ACE: variants seen among roughly 807,000 people sequenced by gnomAD.
ACE encodes the protein angiotensin I converting enzyme.
Under a neutral mutation model 162.3 loss-of-function variants are expected in ACE, and 122 were observed. The observed-to-expected ratio is 0.75, with a 90% confidence interval of 0.65 to 0.87. The LOEUF (loss-of-function observed/expected upper bound fraction) is 0.87. Ranked by LOEUF, ACE falls within the 40% of genes least tolerant of loss-of-function variation. The pLI is 0.00. For synonymous variants in ACE, 796 were observed against 720.6 expected (o/e 1.10, Z -1.68); for missense variants, 1,799 against 1,735.1 (o/e 1.04, Z -0.65).
chr17:63,477,475 C>G (rs2049636807), intron 1 of ACE, 132 bp downstream of exon 1: 1 of 702,596 alleles, frequency 1.4e-6, no homozygotes, highest in African/African-American at 1.9e-5. Context: ...CTCGCCCCGA[C>G]AGTCAGCCGC....
In ACE at chr17:63,486,599, G is replaced by A. The variant is rs1172339137; in HGVS notation, c.2101G>A (p.Gly701Ser). 29 of 1,614,070 alleles carry A rather than the reference G, an allele frequency of 1.8e-5. No individual in the cohort carries two copies. Among genetic ancestry groups the A allele is most frequent in the Non-Finnish European group, 2.4e-5 (28 of 1,180,038 alleles). ...MQIANHTLKY[G>S]TQARKFDVNQ... is the part of the protein sequence containing the mutation. Reference sequence around the variant, plus strand: ...AATAGCCAACCACACCCTGAAGTACGGCACCCAGGCCAGGAAGTTTGATGT... The same window carrying A: ...AATAGCCAACCACACCCTGAAGTACAGCACCCAGGCCAGGAAGTTTGATGT... Residue 701 changes from glycine (G) to serine (S), a missense_variant, in exon 14 of 25, where the codon GGC (glycine) becomes AGC (serine). Gly to Ser is a moderately conservative substitution (Grantham distance 56). Transcript: ENST00000290866.
chr17:63,482,978 C>CAGAG, intron 8 of ACE, 51 bp from the exon 9 acceptor site: 1 of 1,587,230 alleles, frequency 6.3e-7, no homozygotes, highest in Non-Finnish European at 8.7e-7. Flanking sequence ...CTTAGGGGAC[C>CAGAG]CTCTTCTCCC....
chr17:63,485,181 A>C (rs1378818110), intron 12 of ACE, 55 bp from the exon 13 acceptor site: 5 of 1,612,756 alleles, frequency 3.1e-6, no homozygotes, highest in Non-Finnish European at 2.5e-6. Context: ...GTGAGACCAC[A>C]AACCTGGAGA....
intron 2 of ACE, 66 bp from the exon 3 acceptor site, chr17:63,478,941 C>T: frequency 7.2e-7 from 1 of 1,390,028 alleles, no homozygotes; most frequent in Non-Finnish European, 1.0e-6. Context: ...CTCCTTCTAG[C>T]AGCGAGGGGA....
In ACE at chr17:63,498,225, G is replaced by A. The variant is rs2030897644; in HGVS notation, c.*859G>A. The A allele has an allele frequency of 6.6e-6, 1 of 152,268 alleles. No homozygotes were observed. Among genetic ancestry groups the A allele is most frequent in the African/African-American group, 2.4e-5 (1 of 41,446 alleles). The allele number at this position is 152,268 out of a possible 1,614,324, so 9.4% of individuals were successfully genotyped here. ...TTAGCTGCCAGCAGCCACCCTGCTG[G>A]CGTCCCAGCACACACCTCCTCACTC... is the stretch of plus-strand genomic sequence containing the variant. On this transcript the variant is annotated 3_prime_UTR_variant, in exon 25 of 25. Coordinates refer to ENST00000290866, the MANE Select transcript of ACE (RefSeq NM_000789.4).
chr17:63,491,359 T>A lies in ACE; in HGVS notation c.2890T>A (p.Phe964Ile). The change falls in exon 19 of 25, where the codon TTC becomes ATC. Residue 964 changes from phenylalanine (F) to isoleucine (I), a missense_variant. Phe to Ile is a conservative substitution (Grantham distance 21). Transcript: ENST00000290866. The surrounding 1 kb of genome is among the most constrained non-coding windows in gnomAD (Gnocchi z 4.4). ...EVVCHASAWD[F>I]YNGKDFRIKQ... ...GGTCTGCCACGCCTCGGCCTGGGAC[T>A]TCTACAACGGCAAGGACTTCCGGTA... 16 of 1,614,120 alleles carry A rather than the reference T, an allele frequency of 9.9e-6. No homozygotes were observed. The highest frequency in any genetic ancestry group is 1.4e-5 in the Non-Finnish European group (16 of 1,180,028).
At chr17:63,482,254 T>C (rs983370041) in intron 7 of ACE, among the ~76,000 whole-genome samples, 1 of 151,942 alleles carries the variant, frequency 6.6e-6, no homozygotes, top group Non-Finnish European at 1.5e-5. Flanking sequence ...TGAGCTGAGA[T>C]TGTGCCACTA....
rs767340249 is a variant in ACE, at chr17:63,479,840, G to A, written c.583G>A (p.Ala195Thr). ...LLFAWEGWHN[A>T]AGIPLKPLYE... ...GTTTGCCTGGGAGGGCTGGCACAAC[G>A]CTGCGGGCATCCCGCTGAAACCGCT... The change falls in exon 4 of 25, where the codon GCT becomes ACT. Residue 195 changes from alanine (A) to threonine (T), a missense_variant. Physicochemically the swap from Ala to Thr is moderately conservative, Grantham distance 58. Coordinates refer to ENST00000290866, the MANE Select transcript of ACE (RefSeq NM_000789.4). The A allele has an allele frequency of 1.3e-5, 21 of 1,612,970 alleles. No homozygotes were observed. The highest frequency in any genetic ancestry group is 3.3e-4 in the Middle Eastern group (2 of 6,084).
At chr17:63,494,139 T>G in intron 21 of ACE, 73 bp downstream of exon 21, 1 of 1,592,488 alleles carries the variant, frequency 6.3e-7, no homozygotes, top group Non-Finnish European at 8.6e-7. Flanking sequence ...GGTGTCTGGA[T>G]GGGCCAGGGT....
chr17:63,479,002 C>T lies in ACE; in HGVS notation c.418-5C>T. 1.9e-6 allele frequency: 3 copies of T among 1,613,076 alleles called. No homozygotes were observed. The highest frequency in any genetic ancestry group is 2.5e-6 in the Non-Finnish European group (3 of 1,179,600). Reference sequence around the variant, plus strand: ...CTGGAGCATTCCTCCCCTCTGACTCCCCAGTACAACGCCCTGCTAAGCAAC... The same window carrying T: ...CTGGAGCATTCCTCCCCTCTGACTCTCCAGTACAACGCCCTGCTAAGCAAC... On this transcript the variant is annotated splice_region_variant and splice_polypyrimidine_tract_variant and intron_variant, in intron 2 of 24. Transcript: ENST00000290866.
chr17:63,481,898 G>A (rs1346859232), intron 7 of ACE, among the ~76,000 whole-genome samples, 160 bp downstream of exon 7: 1 of 152,164 alleles, frequency 6.6e-6, no homozygotes. Context: ...GGGTATAGGA[G>A]GCCTATTAGT....
intron 2 of ACE, 57 bp from the exon 3 acceptor site, chr17:63,478,950 G>C: frequency 1.4e-6 from 2 of 1,456,478 alleles, no homozygotes; most frequent in Non-Finnish European, 9.5e-7. Flanking sequence ...GCAGCGAGGG[G>C]AGGGCAGATG....
chr17:63,484,560 A>C lies in ACE; in HGVS notation c.1921+19A>C. ...GGCATAGGTAAAGCCCTGAGTGAGG[A>C]TGGTGTGGGGCTAAGGTGGGTCCTC... On this transcript the variant is annotated intron_variant, in intron 12 of 24. Transcript: ENST00000290866. The surrounding 1 kb of genome is among the most constrained non-coding windows in gnomAD (Gnocchi z 4.0). 2 of 1,604,182 alleles carry C rather than the reference A, an allele frequency of 1.2e-6. No homozygotes were observed. Among genetic ancestry groups the C allele is most frequent in the East Asian group, 4.5e-5 (2 of 44,624 alleles).
chr17:63,477,247 G>A lies in ACE; in HGVS notation c.153G>A (p.Gln51=). ...ADEAGAQLFA[Q]SYNSSAEQVL... The stretch of plus-strand genomic sequence containing the variant: ...AGGCCGGGGCGCAGCTCTTCGCGCA[G>A]AGCTACAACTCCAGCGCCGAACAGG... The change falls in exon 1 of 25, where the codon CAG becomes CAA. Residue 51 remains glutamine (Q), a synonymous_variant. Coordinates refer to ENST00000290866, the MANE Select transcript of ACE (RefSeq NM_000789.4). 2 of 1,504,544 alleles carry A rather than the reference G, an allele frequency of 1.3e-6. No homozygotes were observed. Among genetic ancestry groups the A allele is most frequent in the Non-Finnish European group, 8.9e-7 (1 of 1,129,304 alleles). The allele number at this position is 1,504,544 out of a possible 1,614,324, so 93.2% of individuals were successfully genotyped here.
chr17:63,491,487 G>A lies in ACE; in HGVS notation c.2912+106G>A. On this transcript the variant is annotated intron_variant, in intron 19 of 24. Coordinates refer to ENST00000290866, the MANE Select transcript of ACE (RefSeq NM_000789.4). The surrounding 1 kb of genome is among the most constrained non-coding windows in gnomAD (Gnocchi z 4.4). ...CCCCCAGCTGGAGCCAGCAGGGCAG[G>A]ATGGGGACAGGGCCAGAGTTTGGGA... The A allele has an allele frequency of 6.8e-7, 1 of 1,465,730 alleles. No homozygotes were observed. Among genetic ancestry groups the A allele is most frequent in the Non-Finnish European group, 9.4e-7 (1 of 1,058,552 alleles). 90.8% of individuals were successfully genotyped at this position (1,465,730 alleles called of 1,614,324 possible). A position where few individuals can be genotyped will look rare whatever the true frequency, so the allele number is the denominator to read the frequency against.
At chr17:63,483,334 C>A in intron 9 of ACE, 126 bp from the exon 10 acceptor site, 1 of 1,478,600 alleles carries the variant, frequency 6.8e-7, no homozygotes, top group Non-Finnish European at 9.4e-7. Context: ...CTCCCTCTTC[C>A]AGGAAGTCTT....
chr17:63,480,003 C>CT, intron 4 of ACE, 91 bp downstream of exon 4: 2 of 1,518,470 alleles, frequency 1.3e-6, no homozygotes, highest in South Asian at 2.4e-5. Flanking sequence ...GGCAGAGCAG[C>CT]TGGTATGACA....
intron 15 of ACE, 47 bp downstream of exon 15, chr17:63,487,120 G>T (rs2030007760): frequency 6.4e-7 from 1 of 1,552,790 alleles, no homozygotes; most frequent in South Asian, 1.1e-5. Flanking sequence ...GCTGGGACTG[G>T]CATGGGGCCC....
Position 63,484,240 on chromosome 17 carries a change from G to C in ACE, c.1710-90G>C, listed in dbSNP as rs529300793. The C allele has an allele frequency of 6.8e-4, 968 of 1,422,660 alleles. 16 individuals carry two copies. The South Asian group carries it at 7.0e-3, about 10-fold the overall frequency. 88.1% of individuals were successfully genotyped at this position (1,422,660 alleles called of 1,614,324 possible). On this transcript the variant is annotated intron_variant, in intron 11 of 24. Transcript: ENST00000290866. The surrounding 1 kb of genome is among the most constrained non-coding windows in gnomAD (Gnocchi z 4.0). ...CACAGTTTCTGCAGTCCATTGGGGG[G>C]CGGAAGTGGCCAGGGGCATGTGGGC...
Sources: gnomAD v4.1 joint callset for allele counts (sites outside exome capture counted in the v4.1 genomes callset) on GRCh38, gnomAD v4.1.1 for gene constraint, Gnocchi (gnomAD v3.1) non-coding constraint, MANE v1.5 for transcripts, NCBI Gene and HGNC (gene_info 2026-07-23, HGNC 2026-07-21) for gene names.